Variants in FSTL4 observed in about 807,000 individuals in gnomAD.
The protein encoded by FSTL4 is follistatin-related protein 4.
A neutral mutation model predicts 78.2 loss-of-function variants in FSTL4; 28 were observed. The observed-to-expected ratio is 0.36, with a 90% CI of 0.27 to 0.49. The LOEUF is 0.49. Among genes scored for constraint, FSTL4 ranks in the 20% least tolerant of loss-of-function variants. The pLI, the probability that FSTL4 is intolerant of heterozygous loss-of-function variation, is 0.98. For missense variants in FSTL4, 922 were observed against 1,084.9 expected, an observed-to-expected ratio of 0.85 and a Z score of 2.11; for synonymous variants, 422 against 440.5, an observed-to-expected ratio of 0.96 and a Z score of 0.53.
At chr5:133,610,634 G>A (rs921184670) in intron 1 of FSTL4, among the ~76,000 whole-genome samples, 1 of 152,208 alleles carries the variant, frequency 6.6e-6, no homozygotes. Context: ...AGTCTCAGAA[G>A]CTGCATCACT....
chr5:133,802,968 TG>T, the FSTL4 span, among the ~76,000 whole-genome samples: 1 of 152,196 alleles, frequency 6.6e-6, no homozygotes, highest in Non-Finnish European at 1.5e-5. Context: ...ACTGCCAAGC[TG>T]GGGCCACGTA....
chr5:133,240,656 C>T (rs564963574), intron 7 of FSTL4, among the ~76,000 whole-genome samples: 5 of 152,138 alleles, frequency 3.3e-5, no homozygotes, highest in Non-Finnish European at 7.4e-5. Flanking sequence ...AGGGGAGGCC[C>T]TTATCTCTTA....
intron 5 of FSTL4, among the ~76,000 whole-genome samples, chr5:133,313,339 G>T (rs1335624757): frequency 2.0e-5 from 3 of 152,090 alleles, no homozygotes; most frequent in Admixed American, 1.3e-4. Flanking sequence ...CTTCCCCCCT[G>T]CCTGCCTTGT....
chr5:133,234,293 G>A (rs944915315), intron 7 of FSTL4, among the ~76,000 whole-genome samples: 9 of 152,222 alleles, frequency 5.9e-5, no homozygotes, highest in African/African-American at 2.2e-4. Flanking sequence ...ACTAGGAAGG[G>A]CGGATGCCCA....
At chr5:133,421,218 G>A (rs758133870) in intron 3 of FSTL4, among the ~76,000 whole-genome samples, 2 of 152,256 alleles carry the variant, frequency 1.3e-5, no homozygotes, top group Non-Finnish European at 2.9e-5. Context: ...TGCCCAGGCT[G>A]ATAGCACCAT....
chr5:133,429,960 G>C (rs1756901477), intron 3 of FSTL4, among the ~76,000 whole-genome samples: 1 of 152,168 alleles, frequency 6.6e-6, no homozygotes, highest in African/African-American at 2.4e-5. Context: ...CAAATCATTG[G>C]TAATAGACAC....
intron 6 of FSTL4, among the ~76,000 whole-genome samples, chr5:133,262,669 C>G (rs1464162008): frequency 1.3e-5 from 2 of 152,202 alleles, no homozygotes; most frequent in African/African-American, 4.8e-5. Context: ...AGGCTGTAAT[C>G]CTTTATAAGA....
chr5:133,220,418 G>GA (rs1751055364), intron 12 of FSTL4, among the ~76,000 whole-genome samples: 1 of 152,234 alleles, frequency 6.6e-6, no homozygotes, highest in African/African-American at 2.4e-5. Flanking sequence ...TTAGTTTCCT[G>GA]AAGGCTACTG....
intron 3 of FSTL4, among the ~76,000 whole-genome samples, chr5:133,407,747 G>A (rs190469500): frequency 3.3e-5 from 5 of 152,334 alleles, no homozygotes; most frequent in African/African-American, 9.6e-5. Context: ...CCCTGGGCAC[G>A]GCTTTTGGAG....
intron 14 of FSTL4, among the ~76,000 whole-genome samples, chr5:133,207,077 C>T (rs1177001288): frequency 6.6e-6 from 1 of 152,042 alleles, no homozygotes; most frequent in Non-Finnish European, 1.5e-5. Flanking sequence ...TTTAAAGTTT[C>T]TTTAGTGATA....
the FSTL4 span, among the ~76,000 whole-genome samples, chr5:133,816,442 T>C: frequency 1.3e-5 from 2 of 152,224 alleles, no homozygotes; most frequent in Non-Finnish European, 2.9e-5. Context: ...GCACGACTCT[T>C]CCCTCCTAGA....
intron 6 of FSTL4, among the ~76,000 whole-genome samples, chr5:133,273,182 T>A (rs1056496210): frequency 6.6e-6 from 1 of 152,266 alleles, no homozygotes; most frequent in Non-Finnish European, 1.5e-5. Flanking sequence ...ATATCTGATT[T>A]ACATTTCTTG....
chr5:133,735,707 A>G, the FSTL4 span, among the ~76,000 whole-genome samples: 3 of 152,190 alleles, frequency 2.0e-5, no homozygotes, highest in Admixed American at 6.5e-5. Flanking sequence ...CTCACAAGCA[A>G]TGCGAGGCCT....
At chr5:133,455,948 C>T (rs115885814) in intron 3 of FSTL4, among the ~76,000 whole-genome samples, 5,233 of 152,318 alleles carry the variant, frequency 0.034, 125 homozygotes, top group Admixed American at 0.059. Flanking sequence ...CACAGGGAGG[C>T]TCCTGGAGGT....
intron 3 of FSTL4, among the ~76,000 whole-genome samples, chr5:133,474,288 T>C (rs952585019): frequency 6.6e-6 from 1 of 152,008 alleles, no homozygotes; most frequent in Non-Finnish European, 1.5e-5. Flanking sequence ...CCTCCACGCA[T>C]GCTGCCCAAG....
At chr5:133,419,907 T>C (rs72787306) in intron 3 of FSTL4, among the ~76,000 whole-genome samples, 30,013 of 152,208 alleles carry the variant, frequency 0.2, 3,033 homozygotes, top group Non-Finnish European at 0.23. Flanking sequence ...CTCATAGGTA[T>C]ATATCCAAGA....
chr5:133,265,097 C>T (rs1752614242), intron 6 of FSTL4, among the ~76,000 whole-genome samples: 1 of 152,184 alleles, frequency 6.6e-6, no homozygotes, highest in Non-Finnish European at 1.5e-5. Context: ...GAGGTGGCCT[C>T]TTCCCTGGGA....
At chr5:133,664,069 G>A in the FSTL4 span, among the ~76,000 whole-genome samples, 1 of 152,138 alleles carries the variant, frequency 6.6e-6, no homozygotes, top group African/African-American at 2.4e-5. Flanking sequence ...GCAGGCCGCA[G>A]CTACATGAAA....
chr5:133,491,383 T>C (rs983367705), intron 3 of FSTL4, among the ~76,000 whole-genome samples: 3 of 152,020 alleles, frequency 2.0e-5, no homozygotes, highest in Non-Finnish European at 2.9e-5. Flanking sequence ...ATATTAATGT[T>C]ACTACAAACA....
Sources: gnomAD v4.1 joint callset for allele counts (sites outside exome capture counted in the v4.1 genomes callset) on GRCh38, gnomAD v4.1.1 for gene constraint, MANE v1.5 for transcripts, NCBI Gene and HGNC (gene_info 2026-07-23, HGNC 2026-07-21) for gene names.